RANBP2: variants seen among roughly 807,000 people sequenced by gnomAD.
RANBP2 encodes the protein RAN binding protein 2, also known as E3 SUMO-protein ligase RanBP2.
A neutral mutation model predicts 303.6 loss-of-function variants in RANBP2; 57 were observed. The ratio of observed to expected loss-of-function variants is 0.19; its 90% CI spans 0.15 to 0.23. RANBP2 has a LOEUF of 0.23. Ranked by LOEUF, RANBP2 falls within the 10% of genes least tolerant of loss-of-function variation. The probability of loss-of-function intolerance (pLI) is 1.00; values close to 1 mark genes in which losing one functional copy is unlikely to be tolerated. For synonymous variants in RANBP2, 1,167 were observed against 1,301.5 expected (o/e 0.90, Z 2.23); for missense variants, 3,138 against 3,780.8 (o/e 0.83, Z 4.46).
chr2:109,445,929 C>T, the RANBP2 span, among the ~76,000 whole-genome samples: 1 of 152,114 alleles, frequency 6.6e-6, no homozygotes, highest in East Asian at 1.9e-4. Context: ...AGTGAGGGCT[C>T]ACAGTCCTTG....
At position 108,736,618 on chromosome 2, in the gene RANBP2, G is replaced by A. The variant is rs559775123; in HGVS notation, c.782+369G>A. 7.2e-5 allele frequency among the ~76,000 whole-genome samples: 11 copies of A among 152,258 alleles called. No homozygotes were observed. The East Asian group carries it at 1.7e-3, about 24-fold the overall frequency. The stretch of plus-strand genomic sequence containing the variant: ...AATTAAAGTTCATCTGTCATCAGAT[G>A]GCTAGGTTCACATGTATTAGTATAA... On this transcript the variant is annotated intron_variant, in intron 6 of 28. Transcript: ENST00000283195.
At chr2:109,661,536 G>A in the RANBP2 span, among the ~76,000 whole-genome samples, 2 of 152,144 alleles carry the variant, frequency 1.3e-5, no homozygotes, top group Non-Finnish European at 2.9e-5. Flanking sequence ...ATGAGTCACC[G>A]TGCCTGGCCA....
At chr2:108,723,089 TGCC>T (rs1246915344) in intron 1 of RANBP2, among the ~76,000 whole-genome samples, 10 of 151,972 alleles carry the variant, frequency 6.6e-5, no homozygotes, top group Admixed American at 6.6e-4. Context: ...TTGCCCAGGC[TGCC>T]ATCAAATTTT....
the RANBP2 span, among the ~76,000 whole-genome samples, chr2:109,293,185 G>T: frequency 6.6e-6 from 1 of 152,366 alleles, no homozygotes; most frequent in East Asian, 1.9e-4. Flanking sequence ...CTCCGATGGT[G>T]CTGTGTGGGG....
At chr2:109,224,583 C>T in the RANBP2 span, among the ~76,000 whole-genome samples, 27 of 152,234 alleles carry the variant, frequency 1.8e-4, no homozygotes, top group African/African-American at 6.3e-4. Context: ...TTTTGCCAGG[C>T]GCAGTGGCTC....
chr2:108,724,364 T>C, intron 1 of RANBP2, among the ~76,000 whole-genome samples: 1 of 152,216 alleles, frequency 6.6e-6, no homozygotes, highest in East Asian at 1.9e-4. Flanking sequence ...GATTTCACCA[T>C]GTTGGTCAGG....
the RANBP2 span, among the ~76,000 whole-genome samples, chr2:108,826,569 G>A: frequency 6.6e-6 from 1 of 152,148 alleles, no homozygotes; most frequent in African/African-American, 2.4e-5. Flanking sequence ...GTGTAAATAA[G>A]AGGGTCCATA....
At chr2:109,432,767 G>A in the RANBP2 span, 2 of 1,457,982 alleles carry the variant, frequency 1.4e-6, no homozygotes, top group African/African-American at 2.8e-5. Context: ...TGTCAGCCGG[G>A]CCCAGAAGGC....
the RANBP2 span, among the ~76,000 whole-genome samples, chr2:109,187,695 G>A: frequency 0.015 from 2,309 of 152,246 alleles, 68 homozygotes; most frequent in African/African-American, 0.053. Context: ...GTCACCCAAG[G>A]ACTCATTTTT....
the RANBP2 span, among the ~76,000 whole-genome samples, chr2:109,187,694 G>T: frequency 6.6e-6 from 1 of 152,136 alleles, no homozygotes; most frequent in Admixed American, 6.5e-5. Context: ...TGTCACCCAA[G>T]GACTCATTTT....
the RANBP2 span, chr2:109,574,571 C>T: frequency 6.7e-7 from 1 of 1,483,070 alleles, no homozygotes; most frequent in East Asian, 2.4e-5. Flanking sequence ...GATTCCTTTC[C>T]TCAACCCACC....
chr2:109,639,065 A>C, the RANBP2 span, among the ~76,000 whole-genome samples: 34 of 152,292 alleles, frequency 2.2e-4, no homozygotes, highest in East Asian at 4.8e-3. Context: ...GCTTAGAATG[A>C]TTTTTGTCAT....
the RANBP2 span, among the ~76,000 whole-genome samples, chr2:109,360,647 T>C: frequency 6.6e-6 from 1 of 152,204 alleles, no homozygotes; most frequent in South Asian, 2.1e-4. Flanking sequence ...GGAAAGCAAT[T>C]GACTTTTGTA....
chr2:109,202,223 T>G, the RANBP2 span, among the ~76,000 whole-genome samples: 1 of 152,166 alleles, frequency 6.6e-6, no homozygotes, highest in Non-Finnish European at 1.5e-5. Context: ...ACCTGTGGAC[T>G]GCAGAGTGAG....
the RANBP2 span, chr2:109,604,814 C>T: frequency 3.9e-5 from 6 of 152,304 alleles, no homozygotes; most frequent in South Asian, 1.0e-3. Flanking sequence ...GAGCTCATCA[C>T]TGAAGCCCAA....
the RANBP2 span, among the ~76,000 whole-genome samples, chr2:109,766,211 G>A: frequency 6.6e-6 from 1 of 151,304 alleles, no homozygotes; most frequent in Non-Finnish European, 1.5e-5. Context: ...AGCCTTCTCA[G>A]AAGAGTGGCT....
the RANBP2 span, among the ~76,000 whole-genome samples, chr2:109,004,208 C>G: frequency 6.6e-6 from 1 of 152,152 alleles, no homozygotes; most frequent in African/African-American, 2.4e-5. Flanking sequence ...ACCAAGTTTC[C>G]TGAACTGAAG....
the RANBP2 span, among the ~76,000 whole-genome samples, chr2:108,844,973 C>T: frequency 3.3e-5 from 5 of 152,176 alleles, no homozygotes; most frequent in South Asian, 4.2e-4. Context: ...GTCTTGATAT[C>T]CTGACCTTGT....
the RANBP2 span, among the ~76,000 whole-genome samples, chr2:108,842,956 A>C: frequency 6.7e-5 from 10 of 149,918 alleles, no homozygotes; most frequent in South Asian, 2.1e-3. Context: ...TACGCTTAGA[A>C]CCACATTAGA....
Sources: allele counts gnomAD v4.1 joint callset (sites outside exome capture counted in the v4.1 genomes callset), GRCh38; gene constraint gnomAD v4.1.1; transcripts MANE v1.5; gene names NCBI Gene and HGNC (gene_info 2026-07-23, HGNC 2026-07-21).